Variants in DOCK10 observed in about 807,000 individuals in gnomAD.
The protein encoded by DOCK10 is dedicator of cytokinesis 10.
A neutral mutation model predicts 280.1 loss-of-function variants in DOCK10; 145 were observed. The observed-to-expected ratio is 0.52, with a 90% confidence interval of 0.45 to 0.59. DOCK10 has a LOEUF of 0.59. Among genes scored for constraint, DOCK10 ranks in the 20% least tolerant of loss-of-function variants. The pLI, the probability that DOCK10 is intolerant of heterozygous loss-of-function variation, is 0.00. For missense variants in DOCK10, 2,368 were observed against 2,651.7 expected (o/e 0.89, Z 2.35); for synonymous variants, 915 against 942.2 (o/e 0.97, Z 0.53).
intron 7 of DOCK10, among the ~76,000 whole-genome samples, chr2:224,879,067 T>C (rs2125711209): frequency 6.6e-6 from 1 of 152,276 alleles, no homozygotes; most frequent in South Asian, 2.1e-4. Context: ...AGGTACTGGG[T>C]TCTATGAGAA....
intron 1 of DOCK10, among the ~76,000 whole-genome samples, chr2:225,030,424 A>G (rs1282963936): frequency 6.6e-6 from 1 of 152,196 alleles, no homozygotes; most frequent in African/African-American, 2.4e-5. Flanking sequence ...CTGGAAACAG[A>G]CTGCTTTCAA....
intron 1 of DOCK10, among the ~76,000 whole-genome samples, chr2:225,005,705 C>A (rs938579684): frequency 6.6e-6 from 1 of 152,158 alleles, no homozygotes; most frequent in Non-Finnish European, 1.5e-5. Context: ...AGTTTCTAAG[C>A]CCAAGCCCAC....
chr2:224,809,202 G>A (rs970985249), intron 31 of DOCK10, among the ~76,000 whole-genome samples: 2 of 152,064 alleles, frequency 1.3e-5, no homozygotes, highest in South Asian at 2.1e-4. Flanking sequence ...ATTGTCCAAA[G>A]GGTTTTTAAA....
intron 3 of DOCK10, among the ~76,000 whole-genome samples, chr2:224,911,232 G>T (rs1700995526): frequency 6.6e-6 from 1 of 152,154 alleles, no homozygotes; most frequent in Non-Finnish European, 1.5e-5. Flanking sequence ...GAACAAAAGT[G>T]AAGGTGAGAA....
intron 26 of DOCK10, among the ~76,000 whole-genome samples, chr2:224,830,970 T>C (rs969517273): frequency 4.6e-5 from 7 of 152,070 alleles, no homozygotes; most frequent in Non-Finnish European, 8.8e-5. Flanking sequence ...AGTCTCACTC[T>C]GTTGCCAGGC....
intron 28 of DOCK10, 45 bp downstream of exon 28, chr2:224,823,456 C>A: frequency 1.3e-6 from 2 of 1,496,184 alleles, no homozygotes; most frequent in Non-Finnish European, 8.9e-7. Flanking sequence ...CTTGCATCCA[C>A]CAACATGGGG....
At chr2:224,823,396 T>C in intron 28 of DOCK10, 105 bp downstream of exon 28, 1 of 987,844 alleles carries the variant, frequency 1.0e-6, no homozygotes, top group Non-Finnish European at 1.4e-6. Context: ...AGTGCTAGTT[T>C]TGATTTTTCA....
At position 224,800,140 on chromosome 2, in the gene DOCK10, A is replaced by T. The variant is rs1304158456; in HGVS notation, c.4506+11T>A. 1.3e-6 allele frequency: 2 copies of T among 1,507,618 alleles called. No individual in the cohort carries two copies. The highest frequency in any genetic ancestry group is 2.7e-5 in the African/African-American group (2 of 72,996). 93.4% of individuals were successfully genotyped at this position (1,507,618 alleles called of 1,614,324 possible). ...ATCATTTTTTGCAGAAAATGTTATC[A>T]TCATATTCACCTGATGAGTCTGTGT... On this transcript the variant is annotated intron_variant, in intron 41 of 55. Coordinates refer to ENST00000258390, the MANE Select transcript of DOCK10 (RefSeq NM_014689.3).
chr2:224,904,109 A>G (rs1006716330), intron 3 of DOCK10, among the ~76,000 whole-genome samples: 2 of 152,230 alleles, frequency 1.3e-5, no homozygotes, highest in Non-Finnish European at 2.9e-5. Flanking sequence ...ATAGGAATAT[A>G]GTCACCACAT....
chr2:224,876,671 C>T (rs181270409), intron 7 of DOCK10, among the ~76,000 whole-genome samples: 2 of 152,266 alleles, frequency 1.3e-5, no homozygotes, highest in Admixed American at 6.5e-5. Context: ...TTTCTTTCTT[C>T]GTATCTTCCT....
chr2:224,873,824 A>T (rs929672324), intron 11 of DOCK10, among the ~76,000 whole-genome samples, 172 bp downstream of exon 11: 4 of 152,190 alleles, frequency 2.6e-5, no homozygotes, highest in African/African-American at 9.7e-5. Flanking sequence ...AAAGTGTTCC[A>T]CTTTAGAACT....
chr2:225,015,466 G>A (rs1326607017), intron 1 of DOCK10, among the ~76,000 whole-genome samples: 2 of 152,166 alleles, frequency 1.3e-5, no homozygotes, highest in Admixed American at 6.5e-5. Context: ...CTTAGCATAT[G>A]TTTTCCTCAT....
intron 24 of DOCK10, among the ~76,000 whole-genome samples, chr2:224,839,087 C>T (rs7581260): frequency 0.41 from 61,754 of 149,772 alleles, 16,042 homozygotes; most frequent in African/African-American, 0.74. Context: ...CATAGCACTT[C>T]TTTTTTTTTG....
In DOCK10 at chr2:224,823,464, G is replaced by A. The variant is rs746795701; in HGVS notation, c.3183+37C>T. 21 of 1,509,686 alleles carry A rather than the reference G, an allele frequency of 1.4e-5. 1 individual carries two copies. Among genetic ancestry groups the A allele is most frequent in the Non-Finnish European group, 1.6e-5 (18 of 1,133,554 alleles). The allele number at this position is 1,509,686 out of a possible 1,614,324, so 93.5% of individuals were successfully genotyped here. A position where few individuals can be genotyped will look rare whatever the true frequency, so the allele number is the denominator to read the frequency against. On this transcript the variant is annotated intron_variant, in intron 28 of 55. Coordinates refer to ENST00000258390, the MANE Select transcript of DOCK10 (RefSeq NM_014689.3). ...AGACTATCTTGCATCCACCAACATGGGGCCTTGAATAGAACTGCGATCTCA... is the reference window on the plus strand; with the variant it reads ...AGACTATCTTGCATCCACCAACATGAGGCCTTGAATAGAACTGCGATCTCA...
rs62188029 is a variant in DOCK10, at chr2:225,028,378, G to A, written c.123+13874C>T. 5.7e-3 allele frequency among the ~76,000 whole-genome samples: 867 copies of A among 152,168 alleles called. 3 individuals carry two copies. Among genetic ancestry groups the A allele is most frequent in the Non-Finnish European group, 7.8e-3 (532 of 68,018 alleles). Reference sequence around the variant, plus strand: ...TATCCAGCAAGAAAATGGGGACCTCGGCCCTACAGTCTCAAGGAACTGAAT... The same window carrying A: ...TATCCAGCAAGAAAATGGGGACCTCAGCCCTACAGTCTCAAGGAACTGAAT... On this transcript the variant is annotated intron_variant, in intron 1 of 55. Coordinates refer to ENST00000258390, the MANE Select transcript of DOCK10 (RefSeq NM_014689.3).
intron 1 of DOCK10, among the ~76,000 whole-genome samples, chr2:225,008,906 A>G (rs1166907181): frequency 6.6e-6 from 1 of 152,198 alleles, no homozygotes; most frequent in African/African-American, 2.4e-5. Flanking sequence ...TTAAACAAGC[A>G]CCGTTTCCAC....
chr2:224,928,567 A>G (rs1349878521), intron 2 of DOCK10, among the ~76,000 whole-genome samples: 2 of 152,246 alleles, frequency 1.3e-5, no homozygotes, highest in Admixed American at 6.5e-5. Context: ...TACTCTGTAG[A>G]GCAGTTAAAA....
Position 224,865,107 on chromosome 2 carries a change from C to T in DOCK10, c.1258-20G>A. 6.2e-7 allele frequency: 1 copy of T among 1,606,306 alleles called. No individual in the cohort carries two copies. On this transcript the variant is annotated intron_variant, in intron 11 of 55. Transcript: ENST00000258390. ...CTCAATCTGCATGAAAAAGAAAGAA[C>T]AGATGTTTTTGATATAAAATCATTA... is the stretch of plus-strand genomic sequence containing the variant.
At chr2:224,864,483 CTGGG>C (rs1697733998) in intron 13 of DOCK10, 66 bp downstream of exon 13, 2 of 1,423,718 alleles carry the variant, frequency 1.4e-6, no homozygotes, top group Non-Finnish European at 1.9e-6. Context: ...GCACTCCAGC[CTGGG>C]TGACAGGGAG....
Sources: allele counts gnomAD v4.1 joint callset (sites outside exome capture counted in the v4.1 genomes callset), GRCh38; gene constraint gnomAD v4.1.1; transcripts MANE v1.5; gene names NCBI Gene and HGNC (gene_info 2026-07-23, HGNC 2026-07-21).